ARID5B: variants seen among roughly 807,000 people sequenced by gnomAD.
ARID5B encodes AT-rich interaction domain 5B.
A neutral mutation model predicts 97.2 loss-of-function variants in ARID5B; 13 were observed. The observed-to-expected ratio is 0.13, with a 90% CI of 0.09 to 0.21. The LOEUF is 0.21. ARID5B is among the 10% of genes least tolerant of loss of function. ARID5B has a pLI of 1.00. For missense variants in ARID5B, 1,210 were observed against 1,465.3 expected (o/e 0.83, Z 2.84); for synonymous variants, 556 against 570.3 (o/e 0.97, Z 0.36).
chr10:62,074,006 A>G (rs1018754396), intron 8 of ARID5B, among the ~76,000 whole-genome samples: 3 of 152,262 alleles, frequency 2.0e-5, no homozygotes, highest in African/African-American at 7.2e-5. Context: ...TTTCTGGAAT[A>G]GTAAATCACT....
At chr10:62,018,754 T>C (rs1839317060) in intron 4 of ARID5B, among the ~76,000 whole-genome samples, 1 of 152,138 alleles carries the variant, frequency 6.6e-6, no homozygotes, top group Admixed American at 6.5e-5. Context: ...GAAAGTTGGC[T>C]GGTTTGGTCT....
intron 5 of ARID5B, among the ~76,000 whole-genome samples, chr10:62,056,736 G>C (rs945246841): frequency 2.6e-5 from 4 of 152,114 alleles, no homozygotes; most frequent in Non-Finnish European, 4.4e-5. Context: ...GAGTCTAAAA[G>C]AAGCTGGCAT....
chr10:62,062,190 C>T (rs926589179), intron 7 of ARID5B, among the ~76,000 whole-genome samples: 1 of 152,186 alleles, frequency 6.6e-6, no homozygotes, highest in African/African-American at 2.4e-5. Flanking sequence ...TATCCAAAGT[C>T]TGAAGGCTTA....
In ARID5B at chr10:61,991,378, T is replaced by G. The variant is rs549039449; in HGVS notation, c.503-8713T>G. 3.7e-4 allele frequency among the ~76,000 whole-genome samples: 57 copies of G among 152,316 alleles called. No homozygotes were observed. In the South Asian group the frequency reaches 0.011, roughly 30 times the overall value. ...CTTGGGATTTTTTTCTTTTCATTTT[T>G]ATAATAGTCATCCTACTGGGTGTGA... On this transcript the variant is annotated intron_variant, in intron 3 of 9. Transcript: ENST00000279873.
chr10:62,038,580 AAATAT>A (rs144116046), intron 4 of ARID5B, among the ~76,000 whole-genome samples: 7,634 of 152,266 alleles, frequency 0.05, 237 homozygotes, highest in Non-Finnish European at 0.077. Context: ...CTATGGTTGT[AAATAT>A]AGTGAAGTCA....
intron 2 of ARID5B, among the ~76,000 whole-genome samples, chr10:61,917,090 C>G (rs2132765315): frequency 6.6e-6 from 1 of 151,694 alleles, no homozygotes; most frequent in African/African-American, 2.4e-5. Flanking sequence ...CACTTGAACC[C>G]AGGAGTTCAG....
chr10:61,969,498 G>A (rs186588987), intron 3 of ARID5B, among the ~76,000 whole-genome samples: 60 of 151,878 alleles, frequency 4.0e-4, no homozygotes, highest in African/African-American at 1.3e-3. Context: ...GTCTTTGCTC[G>A]ACAGCTGGAC....
chr10:62,038,367 A>G (rs1839591497), intron 4 of ARID5B, among the ~76,000 whole-genome samples: 1 of 150,796 alleles, frequency 6.6e-6, no homozygotes, highest in Non-Finnish European at 1.5e-5. Flanking sequence ...ACTGTTCCTT[A>G]TTTAAAAAAA....
intron 3 of ARID5B, among the ~76,000 whole-genome samples, chr10:61,996,542 TG>T (rs1333163518): frequency 3.3e-5 from 5 of 152,016 alleles, no homozygotes; most frequent in African/African-American, 1.2e-4. Context: ...AAAAAAGGAT[TG>T]GGTGGTTATA....
rs1269760932 is a variant in ARID5B, at chr10:62,057,280, C to T, written c.1010C>T (p.Thr337Met). The change falls in exon 6 of 10, where the codon ACG becomes ATG. Residue 337 changes from threonine (T) to methionine (M), a missense_variant. Physicochemically the swap from Thr to Met is moderately conservative, Grantham distance 81. Transcript: ENST00000279873. ...TATAAATACATGAAAGAAAGGAAAA[C>T]GCCGATAGAACGAATACCCTATTTA... Reference protein sequence around the residue: ...ALYKYMKERKTPIERIPYLGF... With the variant: ...ALYKYMKERKMPIERIPYLGF... 5.0e-6 allele frequency: 8 copies of T among 1,613,534 alleles called. No individual in the cohort carries two copies. The Admixed American group carries it at 5.0e-5, about 10-fold the overall frequency.
intron 3 of ARID5B, among the ~76,000 whole-genome samples, chr10:61,976,188 C>T (rs932777287): frequency 3.3e-5 from 5 of 152,230 alleles, no homozygotes; most frequent in Non-Finnish European, 5.9e-5. Context: ...CCACTGGCTA[C>T]ACATGGCTGT....
intron 2 of ARID5B, among the ~76,000 whole-genome samples, chr10:61,903,137 G>A (rs1159582503): frequency 6.6e-6 from 1 of 151,924 alleles, no homozygotes; most frequent in East Asian, 1.9e-4. Flanking sequence ...ACGCAAAGTG[G>A]ACGTCCTCCT....
chr10:62,069,793 G>T lies in ARID5B; in HGVS notation c.1195G>T (p.Glu399Ter). ...TGCCACTTGTACCCGCAGACATTATGAAAGGTAAGAAACCATTTCATGGAA... is the reference window on the plus strand; with the variant it reads ...TGCCACTTGTACCCGCAGACATTATTAAAGGTAAGAAACCATTTCATGGAA... ...SAATCTRRHY[E>*]RLILPYERFI... The change falls in exon 8 of 10, where the codon GAA becomes TAA. Residue 399 changes from glutamate (E) to a stop codon, truncating the protein, a stop_gained. Transcript: ENST00000279873. LOFTEE classifies it high-confidence loss of function. 6.2e-7 allele frequency: 1 copy of T among 1,613,898 alleles called. No individual in the cohort carries two copies. Among genetic ancestry groups the T allele is most frequent in the Non-Finnish European group, 8.5e-7 (1 of 1,179,804 alleles).
chr10:61,926,078 AG>A (rs1844100859), intron 2 of ARID5B, among the ~76,000 whole-genome samples: 1 of 152,258 alleles, frequency 6.6e-6, no homozygotes, highest in African/African-American at 2.4e-5. Flanking sequence ...CATCATGTTA[AG>A]GGAGTCAAAT....
intron 4 of ARID5B, among the ~76,000 whole-genome samples, chr10:62,048,405 A>T (rs1457745795): frequency 6.6e-6 from 1 of 152,202 alleles, no homozygotes; most frequent in African/African-American, 2.4e-5. Flanking sequence ...AAGGAGGGAA[A>T]AAAAGTTCAG....
intron 4 of ARID5B, among the ~76,000 whole-genome samples, chr10:62,023,552 T>C (rs1839382650): frequency 6.6e-6 from 1 of 152,086 alleles, no homozygotes; most frequent in African/African-American, 2.4e-5. Flanking sequence ...CAGTGAAAGG[T>C]TGATTTGGAA....
intron 8 of ARID5B, among the ~76,000 whole-genome samples, chr10:62,070,479 C>T (rs1840049249): frequency 6.6e-6 from 1 of 152,214 alleles, no homozygotes. Context: ...ATGCTTCAAG[C>T]CCATACTTAA....
At chr10:62,018,440 T>G (rs1005490127) in intron 4 of ARID5B, among the ~76,000 whole-genome samples, 8 of 152,206 alleles carry the variant, frequency 5.3e-5, no homozygotes, top group Non-Finnish European at 8.8e-5. Context: ...GCTTAAAGAC[T>G]TTTAAATGAA....
intron 3 of ARID5B, among the ~76,000 whole-genome samples, chr10:61,948,593 C>T (rs1838276272): frequency 6.6e-6 from 1 of 152,046 alleles, no homozygotes; most frequent in African/African-American, 2.4e-5. Context: ...GCCTCGATCT[C>T]CTGACCTCGT....
Sources: gnomAD v4.1 joint callset for allele counts (sites outside exome capture counted in the v4.1 genomes callset) on GRCh38, gnomAD v4.1.1 for gene constraint, MANE v1.5 for transcripts, NCBI Gene and HGNC (gene_info 2026-07-23, HGNC 2026-07-21) for gene names.